CRYBG3: variants seen among roughly 807,000 people sequenced by gnomAD.
CRYBG3 encodes crystallin beta-gamma domain containing 3, also known as very large A-kinase anchor protein.
Under a neutral mutation model 244.2 loss-of-function variants are expected in CRYBG3, and 127 were observed. That is an observed-to-expected ratio of 0.52 (90% CI 0.45 to 0.60). The LOEUF is 0.60. Among genes scored for constraint, CRYBG3 ranks in the 20% least tolerant of loss-of-function variants. The probability of loss-of-function intolerance (pLI) is 0.00; values close to 1 mark genes in which losing one functional copy is unlikely to be tolerated. For synonymous variants in CRYBG3, 1,132 were observed against 1,195.8 expected (o/e 0.95, Z 1.10); for missense variants, 3,325 against 3,442.5 (o/e 0.97, Z 0.85).
intron 3 of CRYBG3, among the ~76,000 whole-genome samples, chr3:97,865,564 T>TGG (rs2039218885): frequency 6.6e-6 from 1 of 152,162 alleles, no homozygotes; most frequent in Admixed American, 6.6e-5. Context: ...AATAATGTTG[T>TGG]GGGGCTTGTT....
At chr3:97,822,548 C>T (rs750737176) in intron 1 of CRYBG3, among the ~76,000 whole-genome samples, 193 bp downstream of exon 1, 1 of 152,258 alleles carries the variant, frequency 6.6e-6, no homozygotes, top group Admixed American at 6.5e-5. Context: ...CGCCTCTCCT[C>T]TGCAGGTTAA....
At chr3:97,943,190 A>C in intron 21 of CRYBG3, 36 bp from the exon 22 acceptor site, 1 of 1,265,514 alleles carries the variant, frequency 7.9e-7, no homozygotes, top group African/African-American at 1.5e-5. Flanking sequence ...CACCTGCCTG[A>C]ACAAATAATC....
chr3:97,843,847 T>A (rs148852955), intron 2 of CRYBG3, among the ~76,000 whole-genome samples: 109 of 152,298 alleles, frequency 7.2e-4, no homozygotes, highest in African/African-American at 2.5e-3. Context: ...CTCTTTTTAT[T>A]CATAAGCGGT....
intron 1 of CRYBG3, among the ~76,000 whole-genome samples, chr3:97,822,774 G>A (rs184187166): frequency 6.6e-6 from 1 of 152,392 alleles, no homozygotes; most frequent in East Asian, 1.9e-4. Flanking sequence ...CGTCGGCCAG[G>A]GGAATTGGGG....
chr3:97,886,950 A>G (rs1335849314), intron 8 of CRYBG3, among the ~76,000 whole-genome samples, 183 bp downstream of exon 8: 1 of 152,226 alleles, frequency 6.6e-6, no homozygotes, highest in Non-Finnish European at 1.5e-5. Flanking sequence ...TCACAGGAGC[A>G]GGTATAGAAT....
chr3:97,881,014 T>C (rs1576541659), intron 6 of CRYBG3, 58 bp from the exon 7 acceptor site: 1 of 1,365,978 alleles, frequency 7.3e-7, no homozygotes, highest in African/African-American at 1.5e-5. Context: ...CTGTGACTTA[T>C]ATGCCTTATT....
At chr3:97,910,077 G>A (rs1489604587) in intron 15 of CRYBG3, among the ~76,000 whole-genome samples, 1 of 149,834 alleles carries the variant, frequency 6.7e-6, no homozygotes, top group Non-Finnish European at 1.5e-5. Context: ...AGGGGTCAGG[G>A]ACCCACTTGA....
chr3:97,835,587 A>G (rs1409807298), intron 1 of CRYBG3, among the ~76,000 whole-genome samples: 3 of 152,156 alleles, frequency 2.0e-5, no homozygotes, highest in Non-Finnish European at 4.4e-5. Context: ...AAATGAAATG[A>G]TGAGTTTACT....
At chr3:97,894,697 A>G (rs571185728) in intron 11 of CRYBG3, among the ~76,000 whole-genome samples, 21 of 151,958 alleles carry the variant, frequency 1.4e-4, no homozygotes, top group Non-Finnish European at 2.4e-4. Flanking sequence ...TATACCTTTT[A>G]TTTTTTTTCC....
chr3:97,872,897 A>G lies in CRYBG3; in HGVS notation c.1703A>G (p.Lys568Arg), dbSNP rs1391031703. Residue 568 changes from lysine to arginine, a missense_variant, in exon 4 of 22, where the codon AAA becomes AGA. By Grantham distance (26) the Lys-to-Arg change is conservative. Coordinates refer to ENST00000389622, the MANE Select transcript of CRYBG3 (RefSeq NM_153605.4). ...GACCAATACTTTGAAACCAAAGCCA[A>G]AAAGCTTGATTTTAGGTCACATGAT... Reference protein sequence around the residue: ...DTDQYFETKAKKLDFRSHDKI... With the variant: ...DTDQYFETKARKLDFRSHDKI... The G allele has an allele frequency of 1.3e-6, 2 of 1,530,654 alleles. No homozygotes were observed. Among genetic ancestry groups the G allele is most frequent in the Admixed American group, 4.0e-5 (2 of 49,690 alleles). 94.8% of individuals were successfully genotyped at this position (1,530,654 alleles called of 1,614,324 possible). A position where few individuals can be genotyped will look rare whatever the true frequency, so the allele number is the denominator to read the frequency against.
rs2039398196 is a variant in CRYBG3 at position 97,877,760 on chromosome 3, G to A, written c.6566G>A (p.Ser2189Asn). 2 of 1,614,132 alleles carry A rather than the reference G, an allele frequency of 1.2e-6. No individual in the cohort carries two copies. The highest frequency in any genetic ancestry group is 1.7e-6 in the Non-Finnish European group (2 of 1,180,022). Residue 2189 changes from serine (S) to asparagine (N), a missense_variant, in exon 4 of 22, where the codon AGC becomes AAC. Ser to Asn is a conservative substitution (Grantham distance 46). Transcript: ENST00000389622. ...SITFYPDDQE[S>N]VGISKNSYVM... ...ACATTTTACCCTGATGACCAGGAGA[G>A]CGTTGGAATTTCTAAGAATTCATAT...
At chr3:97,848,925 T>C (rs1225704288) in intron 2 of CRYBG3, among the ~76,000 whole-genome samples, 1 of 152,240 alleles carries the variant, frequency 6.6e-6, no homozygotes, top group Non-Finnish European at 1.5e-5. Flanking sequence ...GCCTGGAGCT[T>C]CACAGTCAGC....
chr3:97,924,669 C>T (rs1450329631), intron 17 of CRYBG3, among the ~76,000 whole-genome samples: 1 of 152,100 alleles, frequency 6.6e-6, no homozygotes, highest in African/African-American at 2.4e-5. Flanking sequence ...CTTCAAAGTG[C>T]ATCACTCTAG....
chr3:97,888,612 A>G (rs1386875537), intron 9 of CRYBG3, among the ~76,000 whole-genome samples, 157 bp downstream of exon 9: 5 of 152,190 alleles, frequency 3.3e-5, no homozygotes, highest in Admixed American at 6.5e-5. Flanking sequence ...TATTTACAGT[A>G]TTTCTTTTTT....
rs750636841 is a variant in CRYBG3, at chr3:97,852,449, T to C, written c.216+9188T>C. Reference sequence around the variant, plus strand: ...CCCTGAAAGGTCATGGTTAGGATTATTGGGGAGGTAGCCCAATTGTCTGGA... The same window carrying C: ...CCCTGAAAGGTCATGGTTAGGATTACTGGGGAGGTAGCCCAATTGTCTGGA... On this transcript the variant is annotated intron_variant, in intron 2 of 21. Transcript: ENST00000389622. Among the ~76,000 whole-genome samples, 32 of 152,128 alleles carry C rather than the reference T, an allele frequency of 2.1e-4. 1 individual carries two copies. Among genetic ancestry groups the C allele is most frequent in the Non-Finnish European group, 3.1e-4 (21 of 68,018 alleles).
intron 3 of CRYBG3, among the ~76,000 whole-genome samples, chr3:97,871,184 C>T (rs533286882): frequency 1.3e-5 from 2 of 152,256 alleles, no homozygotes; most frequent in South Asian, 4.1e-4. Context: ...TTACTCTAGA[C>T]ATCTTTTTTG....
rs367662271 is a variant in CRYBG3 at position 97,880,114 on chromosome 3, T to A, written c.7004+14T>A. On this transcript the variant is annotated intron_variant, in intron 6 of 21. Transcript: ENST00000389622. ...TGTAAGGGGCTGGTAAGAAGTTTCT[T>A]AAAATTTTATAGCATATTTTCTTAA... 5 of 1,278,800 alleles carry A rather than the reference T, an allele frequency of 3.9e-6. No homozygotes were observed. Among genetic ancestry groups the A allele is most frequent in the Non-Finnish European group, 5.6e-6 (5 of 899,470 alleles). 79.2% of individuals were successfully genotyped at this position (1,278,800 alleles called of 1,614,324 possible).
intron 15 of CRYBG3, among the ~76,000 whole-genome samples, chr3:97,908,339 C>A (rs1412488850): frequency 6.6e-6 from 1 of 152,126 alleles, no homozygotes; most frequent in Admixed American, 6.5e-5. Flanking sequence ...CTAATGTTGA[C>A]AGTGGGGTGT....
chr3:97,921,694 A>G (rs1418613074), intron 17 of CRYBG3, among the ~76,000 whole-genome samples: 1 of 152,210 alleles, frequency 6.6e-6, no homozygotes, highest in Non-Finnish European at 1.5e-5. Context: ...ACTGGGTATT[A>G]AAAGAATAAT....
Sources: gnomAD v4.1 joint callset for allele counts (sites outside exome capture counted in the v4.1 genomes callset) on GRCh38, gnomAD v4.1.1 for gene constraint, MANE v1.5 for transcripts, NCBI Gene and HGNC (gene_info 2026-07-23, HGNC 2026-07-21) for gene names.